ZDHHC2: variants seen among roughly 807,000 people sequenced by gnomAD.
ZDHHC2 encodes the protein palmitoyltransferase ZDHHC2.
A neutral mutation model predicts 55.6 loss-of-function variants in ZDHHC2; 51 were observed. That is an observed-to-expected ratio of 0.92 (90% CI 0.73 to 1.16). The LOEUF (loss-of-function observed/expected upper bound fraction) is 1.16, where lower values mean the gene tolerates loss of function less well. ZDHHC2 is among the 50% of genes most tolerant of loss of function. The probability of loss-of-function intolerance (pLI) is 0.00; values close to 1 mark genes in which losing one functional copy is unlikely to be tolerated. For missense variants in ZDHHC2, 491 were observed against 442.4 expected (o/e 1.11, Z -0.99); for synonymous variants, 199 against 152.9 (o/e 1.30, Z -2.22).
At position 17,223,876 on chromosome 8, in the gene ZDHHC2, T is replaced by C. The variant is rs527463436; in HGVS notation, c.*3655T>C. On this transcript the variant is annotated 3_prime_UTR_variant, in exon 13 of 13. Coordinates refer to ENST00000262096, the MANE Select transcript of ZDHHC2 (RefSeq NM_016353.5). Reference sequence around the variant, plus strand: ...TTCTCTTTTCCATAAGATTTTTTTATTGTAGTAGTGCCCTGGCTTGTAAAC... The same window carrying C: ...TTCTCTTTTCCATAAGATTTTTTTACTGTAGTAGTGCCCTGGCTTGTAAAC... 2 of 151,908 alleles carry C rather than the reference T, an allele frequency of 1.3e-5. No homozygotes were observed. Among genetic ancestry groups the C allele is most frequent in the East Asian group, 1.9e-4 (1 of 5,176 alleles). The allele number at this position is 151,908 out of a possible 1,614,324, so 9.4% of individuals were successfully genotyped here.
At chr8:17,177,685 G>A (rs995218670) in intron 1 of ZDHHC2, among the ~76,000 whole-genome samples, 1 of 151,998 alleles carries the variant, frequency 6.6e-6, no homozygotes, top group Non-Finnish European at 1.5e-5. Flanking sequence ...CAGAAAAAAT[G>A]TAGAGCTTGG....
intron 10 of ZDHHC2, among the ~76,000 whole-genome samples, chr8:17,210,990 T>G (rs1807356947): frequency 6.6e-6 from 1 of 152,136 alleles, no homozygotes. Flanking sequence ...CTGAGCCATT[T>G]CTGTGGAGAG....
intron 1 of ZDHHC2, among the ~76,000 whole-genome samples, chr8:17,157,760 G>C (rs763984733): frequency 6.6e-6 from 1 of 152,172 alleles, no homozygotes; most frequent in African/African-American, 2.4e-5. Context: ...CCAGTGACTT[G>C]TGAATGCTTT....
chr8:17,172,604 A>T (rs1425719281), intron 1 of ZDHHC2, among the ~76,000 whole-genome samples: 3 of 152,206 alleles, frequency 2.0e-5, no homozygotes, highest in African/African-American at 7.2e-5. Flanking sequence ...AGTAAATTAT[A>T]ATAATAAAGA....
intron 3 of ZDHHC2, among the ~76,000 whole-genome samples, chr8:17,190,590 A>G (rs1805973178): frequency 6.6e-6 from 1 of 152,214 alleles, no homozygotes; most frequent in South Asian, 2.1e-4. Context: ...GATTTTCTCA[A>G]TATAAAAGTA....
chr8:17,187,200 T>C (rs947769963), intron 3 of ZDHHC2, among the ~76,000 whole-genome samples: 1 of 152,194 alleles, frequency 6.6e-6, no homozygotes, highest in African/African-American at 2.4e-5. Flanking sequence ...CAATCTCTGC[T>C]TCAGAGGGCT....
chr8:17,182,315 T>C (rs1585674613), intron 1 of ZDHHC2, among the ~76,000 whole-genome samples: 1 of 152,210 alleles, frequency 6.6e-6, no homozygotes, highest in South Asian at 2.1e-4. Flanking sequence ...ATCATTCACA[T>C]AGAAGAGAAA....
chr8:17,165,781 G>C (rs1306938620), intron 1 of ZDHHC2, among the ~76,000 whole-genome samples: 1 of 152,166 alleles, frequency 6.6e-6, no homozygotes, highest in African/African-American at 2.4e-5. Context: ...GGAAGGTTTC[G>C]ATTTTAAATA....
At chr8:17,189,125 A>T (rs926095896) in intron 3 of ZDHHC2, among the ~76,000 whole-genome samples, 261 of 57,792 alleles carry the variant, frequency 4.5e-3, no homozygotes, top group Admixed American at 7.9e-3. Flanking sequence ...GTGTTTTGTT[A>T]TGTTTTTTTT....
intron 10 of ZDHHC2, among the ~76,000 whole-genome samples, chr8:17,211,014 T>C (rs1807358769): frequency 6.6e-6 from 1 of 152,172 alleles, no homozygotes. Flanking sequence ...AGCCAGAGTC[T>C]TAGAAATTCA....
At chr8:17,198,439 G>T (rs776766875) in intron 6 of ZDHHC2, 26 bp downstream of exon 6, 1 of 1,579,630 alleles carries the variant, frequency 6.3e-7, no homozygotes, top group Non-Finnish European at 8.6e-7. Flanking sequence ...ATTTAAACAA[G>T]TTTGTGTCCC....
At chr8:17,165,541 C>T (rs943081260) in intron 1 of ZDHHC2, among the ~76,000 whole-genome samples, 5 of 152,180 alleles carry the variant, frequency 3.3e-5, no homozygotes, top group Non-Finnish European at 5.9e-5. Flanking sequence ...ATAAACTTGC[C>T]CTTTTACAAA....
At chr8:17,157,913 G>C (rs961327227) in intron 1 of ZDHHC2, among the ~76,000 whole-genome samples, 2 of 152,146 alleles carry the variant, frequency 1.3e-5, no homozygotes, top group African/African-American at 4.8e-5. Context: ...TCAAGATTCA[G>C]ACATAAAATC....
intron 1 of ZDHHC2, among the ~76,000 whole-genome samples, chr8:17,172,863 A>G (rs558583205): frequency 5.9e-5 from 9 of 152,314 alleles, no homozygotes; most frequent in African/African-American, 9.6e-5. Context: ...CTGTTGCTCT[A>G]GGAACCCAGA....
Position 17,217,213 on chromosome 8 carries a change from C to T in ZDHHC2, c.*1C>T, listed in dbSNP as rs1253197557. ...ATTAACCATGGAAAATGAGACTTAA[C>T]TCTTCAAGCAAGATAAATTCATACT... On this transcript the variant is annotated 3_prime_UTR_variant, in exon 12 of 13. Transcript: ENST00000262096. The T allele has an allele frequency of 2.5e-6, 4 of 1,610,176 alleles. No individual in the cohort carries two copies. Among genetic ancestry groups the T allele is most frequent in the Non-Finnish European group, 3.4e-6 (4 of 1,177,980 alleles).
intron 1 of ZDHHC2, among the ~76,000 whole-genome samples, chr8:17,173,253 T>C (rs150849925): frequency 6.6e-6 from 1 of 152,222 alleles, no homozygotes; most frequent in Non-Finnish European, 1.5e-5. Flanking sequence ...GGCCTATATG[T>C]AGATCCCATC....
In ZDHHC2 at chr8:17,195,549, A is replaced by G; in HGVS notation, c.298A>G (p.Arg100Gly). 1 of 1,613,932 alleles carries G rather than the reference A, an allele frequency of 6.2e-7. No homozygotes were observed. The highest frequency in any genetic ancestry group is 8.5e-7 in the Non-Finnish European group (1 of 1,179,840). Residue 100 changes from arginine (R) to glycine (G), a missense_variant, in exon 4 of 13, where the codon AGA (arginine) becomes GGA (glycine). Coordinates refer to ENST00000262096, the MANE Select transcript of ZDHHC2 (RefSeq NM_016353.5). The stretch of plus-strand genomic sequence containing the variant: ...GAAAGATTTGTTGGAGAGAGAGCCA[A>G]GAGGAGAAGCCCATCAGGAAGTTCT... ...AEKDLLEREP[R>G]GEAHQEVLRR...
At chr8:17,200,670 A>T (rs1806712724) in intron 6 of ZDHHC2, among the ~76,000 whole-genome samples, 1 of 152,260 alleles carries the variant, frequency 6.6e-6, no homozygotes, top group Non-Finnish European at 1.5e-5. Flanking sequence ...CTAAATCAAC[A>T]GTTAATTTGG....
chr8:17,197,853 A>C (rs1844479443), intron 5 of ZDHHC2, among the ~76,000 whole-genome samples: 1 of 152,190 alleles, frequency 6.6e-6, no homozygotes, highest in South Asian at 2.1e-4. Context: ...TTGCCCCCAG[A>C]TTCACGGTGC....
Sources: allele counts gnomAD v4.1 joint callset (sites outside exome capture counted in the v4.1 genomes callset), GRCh38; gene constraint gnomAD v4.1.1; transcripts MANE v1.5; gene names NCBI Gene and HGNC (gene_info 2026-07-23, HGNC 2026-07-21).